Variants in SPOCK3 observed in about 807,000 individuals in gnomAD.
SPOCK3 encodes the protein SPARC (osteonectin), cwcv and kazal like domains proteoglycan 3.
A neutral mutation model predicts 56.6 loss-of-function variants in SPOCK3; 30 were observed. That is an observed-to-expected ratio of 0.53 (90% confidence interval 0.40 to 0.72). The LOEUF is 0.72. Ranked by LOEUF, SPOCK3 falls within the 30% of genes least tolerant of loss-of-function variation. SPOCK3 has a pLI of 0.00. For missense variants in SPOCK3, 527 were observed against 530.0 expected (o/e 0.99, Z 0.06); for synonymous variants, 196 against 183.3 (o/e 1.07, Z -0.56).
chr4:166,936,228 T>A lies in SPOCK3; in HGVS notation c.351-23485A>T, dbSNP rs761750805. Reference sequence around the variant, plus strand: ...TACATAGGCTTGACTATGCTAATTTTAAAAAAGAATTTACATATGTATTCA... The same window carrying A: ...TACATAGGCTTGACTATGCTAATTTAAAAAAAGAATTTACATATGTATTCA... On this transcript the variant is annotated intron_variant, in intron 4 of 10. Transcript: ENST00000357545. 3.5e-4 allele frequency among the ~76,000 whole-genome samples: 54 copies of A among 152,194 alleles called. 1 individual carries two copies. Among genetic ancestry groups the A allele is most frequent in the Non-Finnish European group, 6.9e-4 (47 of 67,970 alleles).
chr4:167,081,221 C>G (rs901620360), intron 2 of SPOCK3, among the ~76,000 whole-genome samples: 2 of 151,964 alleles, frequency 1.3e-5, no homozygotes, highest in African/African-American at 4.8e-5. Flanking sequence ...AAATTATATA[C>G]TTTTAGCTTC....
chr4:166,931,177 T>C (rs1250467014), intron 4 of SPOCK3, among the ~76,000 whole-genome samples: 1 of 152,152 alleles, frequency 6.6e-6, no homozygotes, highest in Admixed American at 6.5e-5. Flanking sequence ...AGATGGGGTT[T>C]CACCATGTTG....
At chr4:167,111,819 A>G (rs1760927571) in intron 2 of SPOCK3, among the ~76,000 whole-genome samples, 1 of 151,866 alleles carries the variant, frequency 6.6e-6, no homozygotes, top group Non-Finnish European at 1.5e-5. Context: ...ATGCAATGAC[A>G]TAATCACGAC....
intron 6 of SPOCK3, among the ~76,000 whole-genome samples, chr4:166,793,382 TG>T (rs1741563115): frequency 6.6e-6 from 1 of 152,124 alleles, no homozygotes; most frequent in Admixed American, 6.5e-5. Context: ...TGGGCCACAC[TG>T]GAAGAAGAAT....
At chr4:166,842,843 C>T (rs1018521707) in intron 6 of SPOCK3, among the ~76,000 whole-genome samples, 3 of 152,260 alleles carry the variant, frequency 2.0e-5, no homozygotes, top group Non-Finnish European at 2.9e-5. Context: ...GGCCTGCACT[C>T]CTCAGCCTTT....
chr4:166,790,690 A>G (rs576181236), intron 7 of SPOCK3, among the ~76,000 whole-genome samples: 59 of 152,338 alleles, frequency 3.9e-4, no homozygotes, highest in African/African-American at 1.4e-3. Flanking sequence ...ACAATTACCC[A>G]GGCACCTTGC....
chr4:166,807,258 T>C (rs915586486), intron 6 of SPOCK3, among the ~76,000 whole-genome samples: 3 of 151,232 alleles, frequency 2.0e-5, no homozygotes, highest in Non-Finnish European at 4.4e-5. Context: ...CATAAAATGT[T>C]CAAAGGGTTG....
chr4:167,027,672 C>A (rs1561135587), intron 3 of SPOCK3, among the ~76,000 whole-genome samples: 1 of 151,892 alleles, frequency 6.6e-6, no homozygotes, highest in Middle Eastern at 3.2e-3. Flanking sequence ...TTCTATATTT[C>A]TACAGTAAAG....
At chr4:166,840,918 A>G (rs2126828528) in intron 6 of SPOCK3, among the ~76,000 whole-genome samples, 1 of 151,348 alleles carries the variant, frequency 6.6e-6, no homozygotes, top group East Asian at 2.0e-4. Context: ...AGCTGGTACT[A>G]TAGGTGCCCG....
At chr4:166,795,463 T>C (rs1741834014) in intron 6 of SPOCK3, among the ~76,000 whole-genome samples, 1 of 152,126 alleles carries the variant, frequency 6.6e-6, no homozygotes, top group African/African-American at 2.4e-5. Flanking sequence ...AATAATACTT[T>C]ACGTATAAAA....
chr4:167,128,493 C>T (rs554598053), intron 2 of SPOCK3, among the ~76,000 whole-genome samples: 48 of 152,258 alleles, frequency 3.2e-4, no homozygotes, highest in South Asian at 6.2e-4. Flanking sequence ...CTTACTTGTG[C>T]CTACTGCCCA....
chr4:166,802,644 G>A (rs980352661), intron 6 of SPOCK3, among the ~76,000 whole-genome samples: 11 of 152,010 alleles, frequency 7.2e-5, no homozygotes, highest in Non-Finnish European at 1.3e-4. Context: ...TGGTACCATC[G>A]GCTTGGGGAT....
At chr4:167,072,039 A>G (rs1561187221) in intron 2 of SPOCK3, among the ~76,000 whole-genome samples, 2 of 152,018 alleles carry the variant, frequency 1.3e-5, no homozygotes, top group African/African-American at 4.8e-5. Context: ...TGAATTTATT[A>G]CTCACTCACC....
At chr4:166,851,205 C>A (rs183497457) in intron 6 of SPOCK3, among the ~76,000 whole-genome samples, 2 of 152,290 alleles carry the variant, frequency 1.3e-5, no homozygotes, top group South Asian at 4.1e-4. Context: ...CTAGCAGGGG[C>A]AGACTGACAC....
At chr4:166,847,951 C>A (rs924352982) in intron 6 of SPOCK3, among the ~76,000 whole-genome samples, 2 of 151,962 alleles carry the variant, frequency 1.3e-5, no homozygotes, top group Admixed American at 1.3e-4. Context: ...GTGAACATTT[C>A]ATGAACCTAC....
At chr4:166,818,968 C>T (rs898482388) in intron 6 of SPOCK3, among the ~76,000 whole-genome samples, 1 of 152,010 alleles carries the variant, frequency 6.6e-6, no homozygotes, top group Admixed American at 6.6e-5. Flanking sequence ...TATTCCCACA[C>T]ATTGTATACT....
chr4:167,220,745 T>C (rs992143521), intron 2 of SPOCK3, among the ~76,000 whole-genome samples: 2 of 152,036 alleles, frequency 1.3e-5, no homozygotes, highest in Non-Finnish European at 2.9e-5. Flanking sequence ...TGCACTTTGA[T>C]ATCAAAAAAG....
intron 3 of SPOCK3, among the ~76,000 whole-genome samples, chr4:167,058,229 A>G (rs1413034961): frequency 7.9e-5 from 12 of 151,318 alleles, no homozygotes; most frequent in African/African-American, 9.7e-5. Context: ...TGCAGATGAC[A>G]TGATTGTATA....
intron 7 of SPOCK3, among the ~76,000 whole-genome samples, chr4:166,772,424 A>G (rs747419138): frequency 5.3e-5 from 8 of 152,084 alleles, no homozygotes; most frequent in Admixed American, 1.3e-4. Flanking sequence ...TTCTTTCCCT[A>G]AAAGACTCTG....
Sources: gnomAD v4.1 joint callset for allele counts (sites outside exome capture counted in the v4.1 genomes callset) on GRCh38, gnomAD v4.1.1 for gene constraint, MANE v1.5 for transcripts, NCBI Gene and HGNC (gene_info 2026-07-23, HGNC 2026-07-21) for gene names.